COL28A1: variants seen among roughly 807,000 people sequenced by gnomAD.
COL28A1 encodes the protein collagen alpha-1(XXVIII) chain.
In COL28A1, 161 loss-of-function variants were observed where a neutral mutation model predicts 150.2. That is an observed-to-expected ratio of 1.07 (90% CI 0.94 to 1.22). COL28A1 has a LOEUF of 1.22. COL28A1 is among the 50% of genes most tolerant of loss of function. The probability of loss-of-function intolerance (pLI) is 0.00; values close to 1 mark genes in which losing one functional copy is unlikely to be tolerated. For missense variants in COL28A1, 1,617 were observed against 1,388.3 expected, an observed-to-expected ratio of 1.16 and a Z score of -2.62; for synonymous variants, 552 against 469.7, an observed-to-expected ratio of 1.18 and a Z score of -2.26.
At chr7:7,481,395 C>T (rs928617778) in intron 13 of COL28A1, among the ~76,000 whole-genome samples, 4 of 152,100 alleles carry the variant, frequency 2.6e-5, no homozygotes, top group African/African-American at 7.2e-5. Flanking sequence ...TCAGCATGGA[C>T]GATGATCATT....
Position 7,373,267 on chromosome 7 carries a change from G to A in COL28A1, c.2639C>T (p.Ala880Val), listed in dbSNP as rs1403043570. ...YLGEGTYTAT[A>V]LQAANDMFED... is the part of the protein sequence containing the mutation. ...AAACATGTCGTTGGCTGCTTGCAGA[G>A]CAGTGGCTGTGTATGTGCCTTCCCC... is the stretch of plus-strand genomic sequence containing the variant. The change falls in exon 32 of 35, where the codon GCT (alanine) becomes GTT (valine). Residue 880 changes from alanine to valine, a missense_variant. Physicochemically the swap from Ala to Val is moderately conservative, Grantham distance 64 (BLOSUM62 0). Coordinates refer to ENST00000399429, the MANE Select transcript of COL28A1 (RefSeq NM_001037763.3). The surrounding 1 kb of genome is among the most constrained non-coding windows in gnomAD (Gnocchi z 4.1). The A allele has an allele frequency of 6.2e-7, 1 of 1,614,156 alleles. No homozygotes were observed. The highest frequency in any genetic ancestry group is 2.2e-5 in the East Asian group (1 of 44,882).
At chr7:7,407,260 G>T (rs564746525) in intron 27 of COL28A1, among the ~76,000 whole-genome samples, 26 of 151,946 alleles carry the variant, frequency 1.7e-4, no homozygotes, top group Non-Finnish European at 3.2e-4. Context: ...GGGGGAAGAA[G>T]ACTAGGTCAG....
intron 18 of COL28A1, among the ~76,000 whole-genome samples, chr7:7,451,415 G>T (rs1243967751): frequency 6.6e-6 from 1 of 151,908 alleles, no homozygotes; most frequent in African/African-American, 2.4e-5. Context: ...TAGTAGAGAC[G>T]GGGTTTCACC....
chr7:7,407,001 T>C (rs994681229), intron 27 of COL28A1, among the ~76,000 whole-genome samples: 3 of 152,004 alleles, frequency 2.0e-5, no homozygotes, highest in Non-Finnish European at 4.4e-5. Flanking sequence ...AAAAATCAAA[T>C]AGAACTTCTG....
In COL28A1 at chr7:7,531,571, A is replaced by T. The variant is rs1317379493; in HGVS notation, c.458T>A (p.Val153Glu). 2 of 1,605,658 alleles carry T rather than the reference A, an allele frequency of 1.2e-6. No homozygotes were observed. Among genetic ancestry groups the T allele is most frequent in the Non-Finnish European group, 8.5e-7 (1 of 1,172,454 alleles). The change falls in exon 3 of 35, where the codon GTG (valine) becomes GAG (glutamate). Residue 153 changes from valine (V) to glutamate (E), a missense_variant. Physicochemically the swap from Val to Glu is moderately radical, Grantham distance 121. Transcript: ENST00000399429. Reference protein sequence around the residue: ...LLKREGRKDGVKVVLLMTDGI... With the variant: ...LLKREGRKDGEKVVLLMTDGI... The stretch of plus-strand genomic sequence containing the variant: ...ATCAGTCATCAGCAAAACCACTTTC[A>T]CACCATCCTTACGCCCTTCTCTCTT...
intron 11 of COL28A1, among the ~76,000 whole-genome samples, chr7:7,504,188 G>T (rs1184490520): frequency 1.3e-5 from 2 of 152,124 alleles, no homozygotes; most frequent in Non-Finnish European, 2.9e-5. Context: ...AACCCTAAGT[G>T]ATAACACTAT....
In COL28A1 at chr7:7,510,916, A is replaced by G. The variant is rs147748164; in HGVS notation, c.927+175T>C. Among the ~76,000 whole-genome samples, 33 of 152,308 alleles carry G rather than the reference A, an allele frequency of 2.2e-4. 1 individual carries two copies. In the East Asian group the frequency reaches 6.2e-3, roughly 28 times the overall value. On this transcript the variant is annotated intron_variant, in intron 9 of 34. Transcript: ENST00000399429. The stretch of plus-strand genomic sequence containing the variant: ...AAAAAAGGCATTTGGGGGTTCTATT[A>G]TTGAGTTAGGCATCACTTTGTTTTC...
In COL28A1 at chr7:7,373,973, A is replaced by G. The variant is rs1781389139; in HGVS notation, c.2360-427T>C. Among the ~76,000 whole-genome samples, 1 of 148,440 alleles carries G rather than the reference A, an allele frequency of 6.7e-6. No homozygotes were observed. Among genetic ancestry groups the G allele is most frequent in the African/African-American group, 2.5e-5 (1 of 39,998 alleles). On this transcript the variant is annotated intron_variant, in intron 31 of 34. Transcript: ENST00000399429. The surrounding 1 kb of genome is among the most constrained non-coding windows in gnomAD (Gnocchi z 4.1). ...CTCGGCCTCCCAAAGTGCTGGGATT[A>G]CAGGCGTGAGCCACCGCGCCCGGCC...
At chr7:7,418,782 C>A (rs985533944) in intron 26 of COL28A1, among the ~76,000 whole-genome samples, 3 of 151,916 alleles carry the variant, frequency 2.0e-5, no homozygotes, top group Non-Finnish European at 4.4e-5. Context: ...ATGACATGAA[C>A]AAGAAAAATA....
At chr7:7,434,108 C>T (rs1171889380) in intron 23 of COL28A1, among the ~76,000 whole-genome samples, 1 of 152,158 alleles carries the variant, frequency 6.6e-6, no homozygotes, top group Non-Finnish European at 1.5e-5. Context: ...AAGAATGCAA[C>T]AGCTGTTATT....
intron 13 of COL28A1, among the ~76,000 whole-genome samples, chr7:7,485,043 T>C (rs1047044927): frequency 5.3e-5 from 8 of 152,104 alleles, no homozygotes; most frequent in African/African-American, 1.9e-4. Context: ...CTTATTTGGA[T>C]GATGAAATAA....
intron 15 of COL28A1, among the ~76,000 whole-genome samples, chr7:7,461,120 C>T (rs557818441): frequency 3.9e-4 from 60 of 152,286 alleles, no homozygotes; most frequent in African/African-American, 1.3e-3. Flanking sequence ...GGAGATTGTC[C>T]GCCCCTGAAC....
rs17167102 is a variant in COL28A1, at chr7:7,380,846, C to T, written c.2222G>A (p.Arg741Gln). Residue 741 changes from arginine (R) to glutamine (Q), a missense_variant, in exon 29 of 35, where the codon CGG becomes CAG. Arg to Gln is a conservative substitution (Grantham distance 43). Coordinates refer to ENST00000399429, the MANE Select transcript of COL28A1 (RefSeq NM_001037763.3). ...ATCACCTTTCTTTCCCACATCGCCC[C>T]GTTCTCCGTGCTCTCCCTTTACACA... is the stretch of plus-strand genomic sequence containing the variant. ...LPGQKGEHGE[R>Q]GDVGKKGDKG... 2.3e-3 allele frequency: 3,787 copies of T among 1,613,614 alleles called. 89 individuals carry two copies. In the African/African-American group the frequency reaches 0.045, roughly 19 times the overall value.
At chr7:7,394,528 A>G (rs1782730441) in intron 27 of COL28A1, among the ~76,000 whole-genome samples, 1 of 152,196 alleles carries the variant, frequency 6.6e-6, no homozygotes, top group South Asian at 2.1e-4. Flanking sequence ...ATGTGTTGAA[A>G]GCTGTATTTT....
chr7:7,493,005 CATATAT>C (rs1270160383), intron 11 of COL28A1, among the ~76,000 whole-genome samples: 1 of 146,248 alleles, frequency 6.8e-6, no homozygotes, highest in East Asian at 2.0e-4. Context: ...AATATATATA[CATATAT>C]AACAGGTATA....
At chr7:7,534,055 G>A (rs1274543104) in intron 1 of COL28A1, among the ~76,000 whole-genome samples, 1 of 152,132 alleles carries the variant, frequency 6.6e-6, no homozygotes, top group African/African-American at 2.4e-5. Context: ...GTGAGATGGA[G>A]ACTGACTTTT....
rs376280916 is a variant in COL28A1, at chr7:7,479,566, A to T, written c.1165-2386T>A. Among the ~76,000 whole-genome samples, 25 of 152,340 alleles carry T rather than the reference A, an allele frequency of 1.6e-4. No individual in the cohort carries two copies. The South Asian group carries it at 4.3e-3, about 26-fold the overall frequency. ...TGTGTTTCAATTTCTGTACTGATAAATTTGGATTAAAACTTGAATTATTTC... is the reference window on the plus strand; with the variant it reads ...TGTGTTTCAATTTCTGTACTGATAATTTTGGATTAAAACTTGAATTATTTC... On this transcript the variant is annotated intron_variant, in intron 13 of 34. Coordinates refer to ENST00000399429, the MANE Select transcript of COL28A1 (RefSeq NM_001037763.3).
At chr7:7,521,534 T>G (rs1781723916) in intron 5 of COL28A1, among the ~76,000 whole-genome samples, 1 of 152,226 alleles carries the variant, frequency 6.6e-6, no homozygotes, top group South Asian at 2.1e-4. Flanking sequence ...GAGAGGCTTG[T>G]ACTCCATGTT....
chr7:7,343,075 C>T, the COL28A1 span, among the ~76,000 whole-genome samples: 1 of 151,904 alleles, frequency 6.6e-6, no homozygotes, highest in Non-Finnish European at 1.5e-5. Context: ...TATTAAGAAG[C>T]CAGTTGTACA....
Sources: allele counts gnomAD v4.1 joint callset (sites outside exome capture counted in the v4.1 genomes callset), GRCh38; gene constraint gnomAD v4.1.1; non-coding constraint Gnocchi (gnomAD v3.1); transcripts MANE v1.5; gene names NCBI Gene and HGNC (gene_info 2026-07-23, HGNC 2026-07-21).